ASPM: variants seen among roughly 807,000 people sequenced by gnomAD.
ASPM encodes the protein abnormal spindle-like microcephaly-associated protein.
In ASPM, 256 loss-of-function variants were observed where a neutral mutation model predicts 366.4. The observed-to-expected ratio is 0.70, with a 90% CI of 0.63 to 0.77. The LOEUF (loss-of-function observed/expected upper bound fraction) is 0.77, where lower values mean the gene tolerates loss of function less well. Among genes scored for constraint, ASPM ranks in the 30% least tolerant of loss-of-function variants. The probability of loss-of-function intolerance (pLI) is 0.00; values close to 1 mark genes in which losing one functional copy is unlikely to be tolerated. For missense variants in ASPM, 4,146 were observed against 4,090.4 expected (o/e 1.01, Z -0.37); for synonymous variants, 1,414 against 1,342.9 (o/e 1.05, Z -1.16).
rs145489194 is a variant in ASPM at position 197,133,380 on chromosome 1, G to A, written c.2389C>T (p.Arg797Ter). ...TCTTTCCATAGGTGTCTATCTTTTCGAACAATTAACCGCCTAGCTTCAATT... is the reference window on the plus strand; with the variant it reads ...TCTTTCCATAGGTGTCTATCTTTTCAAACAATTAACCGCCTAGCTTCAATT... ...IEIEARRLIV[R>*]KDRHLWKDVG... The change falls in exon 6 of 28, where the codon CGA becomes TGA. Residue 797 changes from arginine to a stop codon, truncating the protein, a stop_gained. Transcript: ENST00000367409. LOFTEE classifies it high-confidence loss of function. 3.7e-6 allele frequency: 6 copies of A among 1,613,654 alleles called. No homozygotes were observed. The highest frequency in any genetic ancestry group is 4.2e-6 in the Non-Finnish European group (5 of 1,179,836).
rs112997359 is a variant in ASPM at position 197,139,844 on chromosome 1, G to C, written c.1949C>G (p.Ser650Cys). 106 of 1,609,238 alleles carry C rather than the reference G, an allele frequency of 6.6e-5. 2 individuals are homozygous for C. The African/African-American group carries it at 1.1e-3, about 16-fold the overall frequency. The stretch of plus-strand genomic sequence containing the variant: ...GGGTTTTGTCCTTTTGTTTGTTTTA[G>C]AAATTGGAGTTCTGAATATTGATAA... Reference protein sequence around the residue: ...TDLSIFRTPISKTNKRTKPII... With the variant: ...TDLSIFRTPICKTNKRTKPII... Residue 650 changes from serine (S) to cysteine (C), a missense_variant, in exon 4 of 28, where the codon TCT (serine) becomes TGT (cysteine). Ser to Cys is a moderately radical substitution (Grantham distance 112). Coordinates refer to ENST00000367409, the MANE Select transcript of ASPM (RefSeq NM_018136.5).
intron 13 of ASPM, 115 bp from the exon 14 acceptor site, chr1:197,122,710 G>A: frequency 7.5e-6 from 7 of 935,526 alleles, no homozygotes; most frequent in Non-Finnish European, 1.2e-5. Context: ...AAATCTACAA[G>A]GCAAGTAATG....
chr1:197,093,546 A>G (rs1320269094), intron 20 of ASPM, among the ~76,000 whole-genome samples: 1 of 151,884 alleles, frequency 6.6e-6, no homozygotes, highest in East Asian at 1.9e-4. Flanking sequence ...AAGGACTAAC[A>G]TTACAGGACA....
intron 6 of ASPM, among the ~76,000 whole-genome samples, chr1:197,132,603 AAG>A (rs1329908568): frequency 2.6e-5 from 4 of 152,062 alleles, no homozygotes; most frequent in African/African-American, 7.2e-5. Context: ...CAGTATCTGG[AAG>A]AGATACCTGC....
At chr1:197,145,999 A>G (rs777130902) in intron 1 of ASPM, 142 bp downstream of exon 1, 15 of 1,055,842 alleles carry the variant, frequency 1.4e-5, no homozygotes, top group Non-Finnish European at 2.0e-5. Flanking sequence ...ACCCACAGTT[A>G]TTGAGTGAAA....
In ASPM at chr1:197,133,419, T is replaced by G; in HGVS notation, c.2350A>C (p.Lys784Gln). The change falls in exon 6 of 28, where the codon AAG (lysine) becomes CAG (glutamine). Residue 784 changes from lysine to glutamine, a missense_variant. This residue lies in a region of ASPM where 3,624 missense variants were observed against 3,591.7 expected (regional missense o/e 1.01). Coordinates refer to ENST00000367409, the MANE Select transcript of ASPM (RefSeq NM_018136.5). ...CTAGCTTCAATTTCAATTTCAAGCT[T>G]TTTAATAGCTTTAACCATTTTTTCA... The part of the protein sequence containing the change: ...TSEKMVKAIK[K>Q]LEIEIEARRL... 3 of 1,614,046 alleles carry G rather than the reference T, an allele frequency of 1.9e-6. No homozygotes were observed. Among genetic ancestry groups the G allele is most frequent in the Non-Finnish European group, 2.5e-6 (3 of 1,179,956 alleles).
intron 16 of ASPM, among the ~76,000 whole-genome samples, chr1:197,118,980 G>A (rs985950047): frequency 6.6e-6 from 1 of 151,532 alleles, no homozygotes; most frequent in African/African-American, 2.4e-5. Flanking sequence ...ACCATGCAAG[G>A]GTAGGCTCTA....
At chr1:197,121,025 C>CT (rs2125103733) in intron 16 of ASPM, among the ~76,000 whole-genome samples, 1 of 152,222 alleles carries the variant, frequency 6.6e-6, no homozygotes, top group African/African-American at 2.4e-5. Context: ...CTACCAAGAA[C>CT]TTTATCACAG....
At chr1:197,098,203 A>AT (rs199978908) in intron 18 of ASPM, among the ~76,000 whole-genome samples, 4 of 147,514 alleles carry the variant, frequency 2.7e-5, no homozygotes, top group Non-Finnish European at 6.0e-5. Context: ...ATATATATAT[A>AT]AAACATACAT....
chr1:197,117,192 A>T (rs544822915), intron 17 of ASPM, among the ~76,000 whole-genome samples: 2 of 152,214 alleles, frequency 1.3e-5, no homozygotes, highest in South Asian at 4.1e-4. Context: ...GATGGGGTGA[A>T]GCTTCAATGG....
At chr1:197,129,813 T>A in intron 8 of ASPM, 102 bp downstream of exon 8, 9 of 1,347,792 alleles carry the variant, frequency 6.7e-6, no homozygotes, top group Non-Finnish European at 9.4e-6. Context: ...TTATTTAGAT[T>A]GGTTTCTTTG....
At chr1:197,129,147 T>C (rs749552360) in intron 9 of ASPM, 40 bp downstream of exon 9, 7 of 1,593,564 alleles carry the variant, frequency 4.4e-6, no homozygotes, top group Non-Finnish European at 5.1e-6. Flanking sequence ...AAGTCGTAAA[T>C]GGGAAATATA....
rs756454507 is a variant in ASPM at position 197,103,781 on chromosome 1, GT to G, written c.5469del (p.Gln1823HisfsTer4). The G allele has an allele frequency of 6.2e-7, 1 of 1,612,940 alleles. No individual in the cohort carries two copies. Among genetic ancestry groups the G allele is most frequent in the South Asian group, 1.1e-5 (1 of 91,072 alleles). ...TGAATTTTAAGAGCAGCTATAGATT[GT>G]TGTTTGATTAGCTGGCGTACTTTAT... ...RGYKVRQLIK[Q>X]QSIAALKIQS... On this transcript the variant is annotated frameshift_variant, in exon 18 of 28. Coordinates refer to ENST00000367409, the MANE Select transcript of ASPM (RefSeq NM_018136.5). LOFTEE classifies it high-confidence loss of function.
Position 197,101,597 on chromosome 1 carries a change from C to T in ASPM, c.7654G>A (p.Glu2552Lys). 2 of 1,610,212 alleles carry T rather than the reference C, an allele frequency of 1.2e-6. No homozygotes were observed. Among genetic ancestry groups the T allele is most frequent in the Non-Finnish European group, 1.7e-6 (2 of 1,178,852 alleles). ...ATTACGATAGAAGCTTTGTGTTTTT[C>T]CCTTAAAAGTTGTCTTGCTTTCATT... ...KGMKARQLLREKHKASIVIQS... is the reference protein window; with the variant it reads ...KGMKARQLLRKKHKASIVIQS... Residue 2552 changes from glutamate (E) to lysine (K), a missense_variant, in exon 18 of 28, where the codon GAA (glutamate) becomes AAA (lysine). Glu to Lys is a moderately conservative substitution (Grantham distance 56, BLOSUM62 1). This residue lies in a region of ASPM where 3,624 missense variants were observed against 3,591.7 expected (regional missense o/e 1.01). Transcript: ENST00000367409.
In ASPM at chr1:197,100,593, T is replaced by C; in HGVS notation, c.8658A>G (p.Ala2886=). The C allele has an allele frequency of 6.2e-7, 1 of 1,612,040 alleles. No individual in the cohort carries two copies. The highest frequency in any genetic ancestry group is 8.5e-7 in the Non-Finnish European group (1 of 1,178,816). The change falls in exon 18 of 28, where the codon GCA becomes GCG. Residue 2886 remains alanine (A), a synonymous_variant. Transcript: ENST00000367409. ...CTCTGTAGTGATTTTGTAAAACCAC[T>C]GCTGCTTTTCTATATAGTAAAAACT... ...RKQFLLYRKA[A]VVLQNHYRAF...
rs1185142082 is a variant in ASPM, at chr1:197,121,871, T to G, written c.3870+44A>C. ...CAAAAATCAATCAACAAATACCTTC[T>G]AAAGTATAATTCACACTATAGTAGT... On this transcript the variant is annotated intron_variant, in intron 16 of 27. Coordinates refer to ENST00000367409, the MANE Select transcript of ASPM (RefSeq NM_018136.5). 3 of 1,559,108 alleles carry G rather than the reference T, an allele frequency of 1.9e-6. No homozygotes were observed. In the East Asian group the frequency reaches 6.7e-5, roughly 35 times the overall value.
chr1:197,119,875 T>C (rs530426021), intron 16 of ASPM, among the ~76,000 whole-genome samples: 1 of 152,266 alleles, frequency 6.6e-6, no homozygotes, highest in Non-Finnish European at 1.5e-5. Flanking sequence ...TTAATAGATT[T>C]ATATGAATTA....
At chr1:197,125,297 C>T in intron 10 of ASPM, 106 bp from the exon 11 acceptor site, 1 of 1,355,460 alleles carries the variant, frequency 7.4e-7, no homozygotes, top group Non-Finnish European at 1.0e-6. Context: ...AGTTACAGGG[C>T]TTTATGATCA....
intron 17 of ASPM, among the ~76,000 whole-genome samples, chr1:197,109,619 A>C (rs1012858845): frequency 6.6e-6 from 1 of 152,062 alleles, no homozygotes; most frequent in Non-Finnish European, 1.5e-5. Flanking sequence ...CAATAAAATA[A>C]GTGGGGGAAA....
Sources: allele counts gnomAD v4.1 joint callset (sites outside exome capture counted in the v4.1 genomes callset), GRCh38; gene constraint gnomAD v4.1.1; regional missense constraint gnomAD v4.1.1; transcripts MANE v1.5; gene names NCBI Gene and HGNC (gene_info 2026-07-23, HGNC 2026-07-21).